PIGS: variants seen among roughly 807,000 people sequenced by gnomAD.
PIGS encodes the protein GPI-anchor transamidase component PIGS.
Under a neutral mutation model 58.2 loss-of-function variants are expected in PIGS, and 37 were observed. That is an observed-to-expected ratio of 0.64 (90% CI 0.49 to 0.84). The LOEUF (loss-of-function observed/expected upper bound fraction) is 0.84. Ranked by LOEUF, PIGS falls within the 40% of genes least tolerant of loss-of-function variation. PIGS has a pLI of 0.00. For missense variants in PIGS, 629 were observed against 710.8 expected (o/e 0.88, Z 1.31); for synonymous variants, 269 against 289.2 (o/e 0.93, Z 0.71).
intron 3 of PIGS, among the ~76,000 whole-genome samples, chr17:28,565,681 GA>G (rs1011904867): frequency 5.3e-5 from 8 of 152,242 alleles, no homozygotes; most frequent in Non-Finnish European, 8.8e-5. Flanking sequence ...TTAAGCCTAG[GA>G]GTTTGAGACC....
Position 28,570,881 on chromosome 17 carries a change from A to G in PIGS, c.257T>C (p.Val86Ala). The change falls in exon 3 of 12, where the codon GTT (valine) becomes GCT (alanine). Residue 86 changes from valine (V) to alanine (A), a missense_variant. Val to Ala is a moderately conservative substitution (Grantham distance 64). Transcript: ENST00000308360. Reference protein sequence around the residue: ...LDDQEKLPFTVVHEREIPLKY... With the variant: ...LDDQEKLPFTAVHEREIPLKY... ...CAGAGGAATCTCTCTTTCATGCACA[A>G]CGGTGAAGGGCAGCTTCTCCTGGTC... 6.2e-7 allele frequency: 1 copy of G among 1,614,218 alleles called. No homozygotes were observed. The highest frequency in any genetic ancestry group is 8.5e-7 in the Non-Finnish European group (1 of 1,180,036).
At chr17:28,556,699 TG>T in intron 9 of PIGS, 127 bp downstream of exon 9, 1 of 1,274,192 alleles carries the variant, frequency 7.8e-7, no homozygotes, top group Non-Finnish European at 1.1e-6. Flanking sequence ...CTCACCTTCC[TG>T]GTGCCTGCCC....
intron 10 of PIGS, chr17:28,555,268 T>C (rs2070319699): frequency 3.7e-6 from 2 of 534,642 alleles, no homozygotes. Context: ...CAGGTGTTTC[T>C]GCTTTTACCT....
intron 3 of PIGS, among the ~76,000 whole-genome samples, chr17:28,567,111 A>T (rs2070398988): frequency 6.6e-6 from 1 of 152,226 alleles, no homozygotes; most frequent in African/African-American, 2.4e-5. Flanking sequence ...AAATATGTAA[A>T]AGGTTGATGA....
chr17:28,556,497 T>C (rs1165752674), intron 9 of PIGS: 2 of 727,964 alleles, frequency 2.7e-6, no homozygotes, highest in African/African-American at 1.7e-5. Flanking sequence ...CATTTTAGAA[T>C]TCTCCCCCAT....
intron 3 of PIGS, among the ~76,000 whole-genome samples, chr17:28,567,872 C>G (rs1004997632): frequency 6.6e-6 from 1 of 152,196 alleles, no homozygotes; most frequent in African/African-American, 2.4e-5. Flanking sequence ...GCTCTTAACT[C>G]GGGACCTTAG....
At chr17:28,570,761 T>G in intron 3 of PIGS, 91 bp downstream of exon 3, 1 of 1,244,916 alleles carries the variant, frequency 8.0e-7, no homozygotes, top group South Asian at 1.2e-5. Flanking sequence ...AGTTTTTAAC[T>G]GCGTTTATGG....
At position 28,554,041 on chromosome 17, in the gene PIGS, G is replaced by A. The variant is rs1301485099; in HGVS notation, c.*179C>T. On this transcript the variant is annotated 3_prime_UTR_variant, in exon 12 of 12. Transcript: ENST00000308360. Reference sequence around the variant, plus strand: ...GGAGGAGGATTGAGCCAGGTGAATGGGAAAGGAAGAAAAGATGAACCCATC... The same window carrying A: ...GGAGGAGGATTGAGCCAGGTGAATGAGAAAGGAAGAAAAGATGAACCCATC... The A allele has an allele frequency of 7.8e-6, 6 of 768,958 alleles. No individual in the cohort carries two copies. In the East Asian group the frequency reaches 1.4e-4, roughly 17 times the overall value. The allele number at this position is 768,958 out of a possible 1,614,324, so 47.6% of individuals were successfully genotyped here.
At chr17:28,560,952 T>C (rs2070360029) in intron 6 of PIGS, among the ~76,000 whole-genome samples, 1 of 151,092 alleles carries the variant, frequency 6.6e-6, no homozygotes, top group Non-Finnish European at 1.5e-5. Flanking sequence ...AGACTCTGTC[T>C]CAAAAAATAA....
At chr17:28,565,022 T>C (rs2070386635) in intron 3 of PIGS, among the ~76,000 whole-genome samples, 1 of 152,214 alleles carries the variant, frequency 6.6e-6, no homozygotes, top group Non-Finnish European at 1.5e-5. Flanking sequence ...TCTTGACCAA[T>C]GTAATATGTG....
chr17:28,570,482 G>C (rs905204257), intron 3 of PIGS, among the ~76,000 whole-genome samples: 2 of 152,256 alleles, frequency 1.3e-5, no homozygotes, highest in African/African-American at 4.8e-5. Flanking sequence ...CTGCACTCCA[G>C]CCTGGGCGAC....
intron 8 of PIGS, 64 bp downstream of exon 8, chr17:28,558,412 C>A (rs2151512262): frequency 7.4e-7 from 1 of 1,344,474 alleles, no homozygotes; most frequent in East Asian, 2.4e-5. Context: ...CCCTACCCAG[C>A]TGAGCCGTCA....
intron 8 of PIGS, among the ~76,000 whole-genome samples, chr17:28,558,135 T>C (rs2070341856): frequency 1.3e-5 from 2 of 152,052 alleles, no homozygotes; most frequent in African/African-American, 4.8e-5. Flanking sequence ...TGAGATCCTG[T>C]CTCTAAAAAA....
At chr17:28,564,547 C>T (rs751427120) in intron 3 of PIGS, among the ~76,000 whole-genome samples, 2 of 152,076 alleles carry the variant, frequency 1.3e-5, no homozygotes, top group African/African-American at 2.4e-5. Context: ...AACCCCATCT[C>T]TACCAAAAAT....
chr17:28,554,006 C>A lies in PIGS; in HGVS notation c.*214G>T. ...ACCCGGATGATGTGCCTTTTGAGGC[C>A]CCTGGTGGTGGAGGAGGATTGAGCC... On this transcript the variant is annotated 3_prime_UTR_variant, in exon 12 of 12. Transcript: ENST00000308360. 1.6e-6 allele frequency: 1 copy of A among 608,574 alleles called. No individual in the cohort carries two copies. The highest frequency in any genetic ancestry group is 2.9e-5 in the East Asian group (1 of 34,242). 37.7% of individuals were successfully genotyped at this position (608,574 alleles called of 1,614,324 possible).
At position 28,556,153 on chromosome 17, in the gene PIGS, T is replaced by C. The variant is rs764838106; in HGVS notation, c.1181+13A>G. ...GGAGACTATGTCCCCAAGTGGATCA[T>C]CCAGGACCTCACCGCAACTGTGCCA... is the stretch of plus-strand genomic sequence containing the variant. On this transcript the variant is annotated intron_variant, in intron 10 of 11. Transcript: ENST00000308360. 4.4e-6 allele frequency: 7 copies of C among 1,603,050 alleles called. No individual in the cohort carries two copies. The African/African-American group carries it at 9.4e-5, about 21-fold the overall frequency.
Position 28,571,176 on chromosome 17 carries a change from C to A in PIGS, c.47G>T (p.Gly16Val). Residue 16 changes from glycine (G) to valine (V), a missense_variant, in exon 2 of 12, where the codon GGC (glycine) becomes GTC (valine). Physicochemically the swap from Gly to Val is moderately radical, Grantham distance 109. Coordinates refer to ENST00000308360, the MANE Select transcript of PIGS (RefSeq NM_033198.4). Reference sequence around the variant, plus strand: ...AGCGAAGAAGAGGGCGGCGCGCTTGCCCCGGGCCACCTCTGAGGGCATGGG... The same window carrying A: ...AGCGAAGAAGAGGGCGGCGCGCTTGACCCGGGCCACCTCTGAGGGCATGGG... The part of the protein sequence containing the change: ...AAATHLEVAR[G>V]KRAALFFAAV... 6.2e-7 allele frequency: 1 copy of A among 1,613,084 alleles called. No homozygotes were observed. The highest frequency in any genetic ancestry group is 8.5e-7 in the Non-Finnish European group (1 of 1,179,864).
chr17:28,561,336 G>A, intron 6 of PIGS, 86 bp downstream of exon 6: 1 of 1,211,038 alleles, frequency 8.3e-7, no homozygotes, highest in Non-Finnish European at 1.1e-6. Context: ...AGAGAAGAAA[G>A]GAGAAAGAAG....
intron 1 of PIGS, 33 bp downstream of exon 1, chr17:28,571,430 A>G (rs760275321): frequency 9.1e-5 from 147 of 1,607,594 alleles, no homozygotes; most frequent in East Asian, 9.0e-5. Context: ...GCCATCAGCT[A>G]GCTGCAGGCC....
Sources: gnomAD v4.1 joint callset for allele counts (sites outside exome capture counted in the v4.1 genomes callset) on GRCh38, gnomAD v4.1.1 for gene constraint, MANE v1.5 for transcripts, NCBI Gene and HGNC (gene_info 2026-07-23, HGNC 2026-07-21) for gene names.